TRIM11: variants seen among roughly 807,000 people sequenced by gnomAD.
The protein encoded by TRIM11 is tripartite motif containing 11, also known as E3 ubiquitin-protein ligase TRIM11.
In TRIM11, 15 loss-of-function variants were observed where a neutral mutation model predicts 33.4. The observed-to-expected ratio is 0.45, with a 90% CI of 0.30 to 0.69. TRIM11 has a LOEUF of 0.69. Among genes scored for constraint, TRIM11 ranks in the 30% least tolerant of loss-of-function variants. TRIM11 has a pLI of 0.08. For synonymous variants in TRIM11, 281 were observed against 302.6 expected, an observed-to-expected ratio of 0.93 and a Z score of 0.74; for missense variants, 499 against 667.6, an observed-to-expected ratio of 0.75 and a Z score of 2.78.
At position 228,394,296 on chromosome 1, in the gene TRIM11, A is replaced by T; in HGVS notation, c.*409T>A. 5.6e-6 allele frequency: 1 copy of T among 177,488 alleles called. No individual in the cohort carries two copies. The highest frequency in any genetic ancestry group is 1.5e-4 in the East Asian group (1 of 6,608). 11.0% of individuals were successfully genotyped at this position (177,488 alleles called of 1,614,324 possible). ...CCCAGCTGCCTCCCCCAGCATCTTC[A>T]GAGGTGGGGTACACAAGACTTTCAG... On this transcript the variant is annotated 3_prime_UTR_variant, in exon 6 of 6. Coordinates refer to ENST00000284551, the MANE Select transcript of TRIM11 (RefSeq NM_145214.3). This position sits in a 1 kb window ranked among gnomAD's most constrained non-coding sequence, Gnocchi z 6.2.
Position 228,394,518 on chromosome 1 carries a change from C to T in TRIM11, c.*187G>A. 2.9e-6 allele frequency: 2 copies of T among 680,804 alleles called. No homozygotes were observed. The highest frequency in any genetic ancestry group is 4.7e-6 in the Non-Finnish European group (2 of 423,670). The allele number at this position is 680,804 out of a possible 1,614,324, so 42.2% of individuals were successfully genotyped here. A position where few individuals can be genotyped will look rare whatever the true frequency, so the allele number is the denominator to read the frequency against. ...CTCCCAGGGAGGACGGAGCCTGCCC[C>T]ACACTCTCCCACAGTTTCCTGGAGT... On this transcript the variant is annotated 3_prime_UTR_variant, in exon 6 of 6. Transcript: ENST00000284551. This position sits in a 1 kb window ranked among gnomAD's most constrained non-coding sequence, Gnocchi z 6.2.
At chr1:228,399,025 C>T (rs1439628266) in intron 3 of TRIM11, among the ~76,000 whole-genome samples, 1 of 152,030 alleles carries the variant, frequency 6.6e-6, no homozygotes, top group Non-Finnish European at 1.5e-5. Context: ...AGCCAGGACC[C>T]CAGAGTCCAT....
At chr1:228,399,035 TAGCAGCCAGGGCCCCAGAGTCCAC>T (rs2075009257) in intron 3 of TRIM11, among the ~76,000 whole-genome samples, 1 of 151,948 alleles carries the variant, frequency 6.6e-6, no homozygotes, top group African/African-American at 2.4e-5. Flanking sequence ...CCAGAGTCCA[TAGCAGCCAGGGCCCCAGAGTCCAC>T]AGCAGCCAGA....
chr1:228,404,494 A>G lies in TRIM11; in HGVS notation c.408+1660T>C, dbSNP rs1250492223. On this transcript the variant is annotated intron_variant, in intron 1 of 5. Coordinates refer to ENST00000284551, the MANE Select transcript of TRIM11 (RefSeq NM_145214.3). ...AAAGCAGTTTGCTGTGGTTAACATAACCTAGGCTCTAAGGCAGTGAAGAAC... is the reference window on the plus strand; with the variant it reads ...AAAGCAGTTTGCTGTGGTTAACATAGCCTAGGCTCTAAGGCAGTGAAGAAC... 3 of 152,380 alleles carry G rather than the reference A, an allele frequency of 2.0e-5. No homozygotes were observed. The East Asian group carries it at 5.8e-4, about 29-fold the overall frequency. The allele number at this position is 152,380 out of a possible 1,614,324, so 9.4% of individuals were successfully genotyped here.
rs1461671870 is a variant in TRIM11 at position 228,403,505 on chromosome 1, A to G, written c.409-1344T>C. ...CTCACGTGAGCTACAAGAACCCCAA[A>G]TGGCGGTCCCTGTCCCCAGGCCTCT... On this transcript the variant is annotated intron_variant, in intron 1 of 5. Coordinates refer to ENST00000284551, the MANE Select transcript of TRIM11 (RefSeq NM_145214.3). This position sits in a 1 kb window ranked among gnomAD's most constrained non-coding sequence, Gnocchi z 4.8. 1 of 152,280 alleles carries G rather than the reference A, an allele frequency of 6.6e-6. No individual in the cohort carries two copies. Among genetic ancestry groups the G allele is most frequent in the Non-Finnish European group, 1.5e-5 (1 of 68,116 alleles). The allele number at this position is 152,280 out of a possible 1,614,324, so 9.4% of individuals were successfully genotyped here. A position where few individuals can be genotyped will look rare whatever the true frequency, so the allele number is the denominator to read the frequency against.
At position 228,401,831 on chromosome 1, in the gene TRIM11, G is replaced by A. The variant is rs1408976763; in HGVS notation, c.504+235C>T. 6.6e-6 allele frequency among the ~76,000 whole-genome samples: 1 copy of A among 152,144 alleles called. No individual in the cohort carries two copies. The highest frequency in any genetic ancestry group is 1.9e-4 in the East Asian group (1 of 5,184). On this transcript the variant is annotated intron_variant, in intron 2 of 5. Coordinates refer to ENST00000284551, the MANE Select transcript of TRIM11 (RefSeq NM_145214.3). The surrounding 1 kb of genome is among the most constrained non-coding windows in gnomAD (Gnocchi z 6.1). The stretch of plus-strand genomic sequence containing the variant: ...GAGAGTTGCCACCCAAGCATGCTGG[G>A]ACCCCAGGATGGGGCCCTTGCAGTA...
At position 228,402,059 on chromosome 1, in the gene TRIM11, C is replaced by T. The variant is rs759000642; in HGVS notation, c.504+7G>A. 1.2e-6 allele frequency: 2 copies of T among 1,609,934 alleles called. No homozygotes were observed. Among genetic ancestry groups the T allele is most frequent in the South Asian group, 2.2e-5 (2 of 90,474 alleles). On this transcript the variant is annotated splice_region_variant and intron_variant, in intron 2 of 5. Transcript: ENST00000284551. The stretch of plus-strand genomic sequence containing the variant: ...CCACCCAGGACCCTGGGAGCCCCAG[C>T]ACCTGCCTGCCACAAGACGCAGGTC...
Position 228,406,549 on chromosome 1 carries a change from CG to C in TRIM11, c.12del (p.Asp5ThrfsTer23). 1 of 1,536,990 alleles carries C rather than the reference CG, an allele frequency of 6.5e-7. No homozygotes were observed. On this transcript the variant is annotated frameshift_variant, in exon 1 of 6. Transcript: ENST00000284551. LOFTEE classifies it high-confidence loss of function. The surrounding 1 kb of genome is among the most constrained non-coding windows in gnomAD (Gnocchi z 8.2). MAA[P>X]DLSTNLQEEA... is the part of the protein sequence containing the mutation. ...TCCTCCTGGAGGTTGGTGGACAGGT[CG>C]GGGGCGGCCATGGCGCGGACAGAGG...
At chr1:228,396,919 T>C (rs2074991266) in intron 5 of TRIM11, 28 bp downstream of exon 5, 2 of 1,608,930 alleles carry the variant, frequency 1.2e-6, no homozygotes, top group Non-Finnish European at 1.7e-6. Context: ...CCTGGAGTCA[T>C]CTCCCCACCT....
At chr1:228,402,311 G>A in intron 1 of TRIM11, 150 bp from the exon 2 acceptor site, 1 of 569,000 alleles carries the variant, frequency 1.8e-6, no homozygotes, top group Non-Finnish European at 3.1e-6. Context: ...CCTCCAATAA[G>A]CGTGAGCCCT....
Position 228,394,380 on chromosome 1 carries a change from C to G in TRIM11, c.*325G>C, listed in dbSNP as rs2074959058. 1 of 367,628 alleles carries G rather than the reference C, an allele frequency of 2.7e-6. No homozygotes were observed. The allele number at this position is 367,628 out of a possible 1,614,324, so 22.8% of individuals were successfully genotyped here. A position where few individuals can be genotyped will look rare whatever the true frequency, so the allele number is the denominator to read the frequency against. On this transcript the variant is annotated 3_prime_UTR_variant, in exon 6 of 6. Transcript: ENST00000284551. This position sits in a 1 kb window ranked among gnomAD's most constrained non-coding sequence, Gnocchi z 6.2. ...AGGTGAACCCTGGATTCTGCAAGCC[C>G]CAGTGGAGTTTTCTCAGCTTCTGGA...
At chr1:228,397,069 T>A (rs201351968) in intron 4 of TRIM11, 22 bp from the exon 5 acceptor site, 2 of 1,613,620 alleles carry the variant, frequency 1.2e-6, no homozygotes, top group African/African-American at 2.7e-5. Context: ...AACCCAGGTG[T>A]TGTCGCCATG....
At chr1:228,396,924 C>G in intron 5 of TRIM11, 23 bp downstream of exon 5, 2 of 1,612,144 alleles carry the variant, frequency 1.2e-6, no homozygotes, top group Non-Finnish European at 1.7e-6. Flanking sequence ...AGTCATCTCC[C>G]CACCTGGGGC....
chr1:228,406,776 A>AGC lies in TRIM11; in HGVS notation c.-217_-216dup. On this transcript the variant is annotated 5_prime_UTR_variant, in exon 1 of 6. Coordinates refer to ENST00000284551, the MANE Select transcript of TRIM11 (RefSeq NM_145214.3). This position sits in a 1 kb window ranked among gnomAD's most constrained non-coding sequence, Gnocchi z 8.2. Reference sequence around the variant, plus strand: ...GGTAGCGCTGGGCGCGTAGGCTCCGAGCGCTCGGGGGACGCGGGACGTAGG... The same window carrying AGC: ...GGTAGCGCTGGGCGCGTAGGCTCCGAGCGCGCTCGGGGGACGCGGGACGTAGG... 4.2e-6 allele frequency: 1 copy of AGC among 240,678 alleles called. No homozygotes were observed. The highest frequency in any genetic ancestry group is 7.1e-6 in the Non-Finnish European group (1 of 141,038). 14.9% of individuals were successfully genotyped at this position (240,678 alleles called of 1,614,324 possible).
chr1:228,398,280 G>A (rs2075003613), intron 3 of TRIM11, among the ~76,000 whole-genome samples: 3 of 152,202 alleles, frequency 2.0e-5, no homozygotes, highest in Admixed American at 2.0e-4. Context: ...AAATGGCAAA[G>A]GAAGATTTCC....
At chr1:228,398,919 G>A (rs1218412881) in intron 3 of TRIM11, among the ~76,000 whole-genome samples, 2 of 152,036 alleles carry the variant, frequency 1.3e-5, no homozygotes, top group Non-Finnish European at 2.9e-5. Flanking sequence ...CTCGACAAGG[G>A]GGTTTGGTCT....
chr1:228,395,495 T>C lies in TRIM11; in HGVS notation c.860-243A>G. ...AATTGGTCCATGTTTTGCCTTCAGA[T>C]ATCAAGAGGGAATCTTGGTTGCTTT... On this transcript the variant is annotated intron_variant, in intron 5 of 5. Transcript: ENST00000284551. This position sits in a 1 kb window ranked among gnomAD's most constrained non-coding sequence, Gnocchi z 4.8. The C allele has an allele frequency of 2.6e-6, 1 of 390,644 alleles. No individual in the cohort carries two copies. The highest frequency in any genetic ancestry group is 4.5e-6 in the Non-Finnish European group (1 of 223,208). The allele number at this position is 390,644 out of a possible 1,614,324, so 24.2% of individuals were successfully genotyped here.
Position 228,395,051 on chromosome 1 carries a change from C to T in TRIM11, c.1061G>A (p.Trp354Ter), listed in dbSNP as rs866992702. The change falls in exon 6 of 6, where the codon TGG (tryptophan) becomes TAG (stop). Residue 354 changes from tryptophan (W) to a stop codon, truncating the protein, a stop_gained. Transcript: ENST00000284551. LOFTEE classifies it low-confidence loss of function (END_TRUNC). This position sits in a 1 kb window ranked among gnomAD's most constrained non-coding sequence, Gnocchi z 4.8. ...WEVEVGDRTS[W>*]ALGVCRENVN... ...GTTCTCCCTGCACACCCCCAGGGCC[C>T]AGCTGGTGCGGTCCCCAACCTCCAC... The T allele has an allele frequency of 6.2e-7, 1 of 1,612,658 alleles. No individual in the cohort carries two copies. Among genetic ancestry groups the T allele is most frequent in the Non-Finnish European group, 8.5e-7 (1 of 1,179,292 alleles).
rs917580247 is a variant in TRIM11 at position 228,400,784 on chromosome 1, T to G, written c.735+180A>C. Among the ~76,000 whole-genome samples the G allele has an allele frequency of 4.6e-5, 7 of 152,150 alleles. No individual in the cohort carries two copies. The highest frequency in any genetic ancestry group is 9.7e-5 in the African/African-American group (4 of 41,442). On this transcript the variant is annotated intron_variant, in intron 3 of 5. Transcript: ENST00000284551. This position sits in a 1 kb window ranked among gnomAD's most constrained non-coding sequence, Gnocchi z 4.5. ...GCACGTGGGTTTTGGGGGTGGGACA[T>G]CTGTCCTGCTGCTGACTCAGCATTT...
Sources: gnomAD v4.1 joint callset for allele counts (sites outside exome capture counted in the v4.1 genomes callset) on GRCh38, gnomAD v4.1.1 for gene constraint, Gnocchi (gnomAD v3.1) non-coding constraint, MANE v1.5 for transcripts, NCBI Gene and HGNC (gene_info 2026-07-23, HGNC 2026-07-21) for gene names.